The following DNAH12 variants were observed in gnomAD, a reference collection of about 807,000 sequenced individuals.
DNAH12 encodes dynein axonemal heavy chain 12.
A neutral mutation model predicts 371.5 loss-of-function variants in DNAH12; 285 were observed. That is an observed-to-expected ratio of 0.77 (90% confidence interval 0.70 to 0.85). The LOEUF (loss-of-function observed/expected upper bound fraction) is 0.85, where lower values mean the gene tolerates loss of function less well. Among genes scored for constraint, DNAH12 ranks in the 40% least tolerant of loss-of-function variants. DNAH12 has a pLI of 0.00. For missense variants in DNAH12, 3,611 were observed against 3,689.4 expected (o/e 0.98, Z 0.55); for synonymous variants, 1,200 against 1,213.0 (o/e 0.99, Z 0.22).
Position 57,480,688 on chromosome 3 carries a change from G to A in DNAH12, c.1650+2688C>T, listed in dbSNP as rs984510925. Among the ~76,000 whole-genome samples, 9 of 152,168 alleles carry A rather than the reference G, an allele frequency of 5.9e-5. No individual in the cohort carries two copies. The East Asian group carries it at 7.7e-4, about 13-fold the overall frequency. On this transcript the variant is annotated intron_variant, in intron 13 of 73. Transcript: ENST00000495027. Reference sequence around the variant, plus strand: ...ATCCTCACTAAAATACTGGCAAACTGAATCCAGCAGCACATCAAAAAGCTT... The same window carrying A: ...ATCCTCACTAAAATACTGGCAAACTAAATCCAGCAGCACATCAAAAAGCTT...
chr3:57,393,238 G>T (rs1352963811), intron 44 of DNAH12, among the ~76,000 whole-genome samples: 1 of 152,162 alleles, frequency 6.6e-6, no homozygotes, highest in East Asian at 1.9e-4. Context: ...TATGGCTGGA[G>T]GTTGGGAATT....
chr3:57,422,771 G>A (rs2064632516), intron 35 of DNAH12, among the ~76,000 whole-genome samples: 1 of 152,154 alleles, frequency 6.6e-6, no homozygotes, highest in Non-Finnish European at 1.5e-5. Context: ...AATATTCACT[G>A]CAGCACTATT....
At chr3:57,338,475 C>T (rs1185010153) in intron 60 of DNAH12, among the ~76,000 whole-genome samples, 21 of 150,518 alleles carry the variant, frequency 1.4e-4, no homozygotes, top group Non-Finnish European at 1.9e-4. Flanking sequence ...TTTGCCCGGC[C>T]GCCCCGTCTG....
chr3:57,489,767 C>G (rs2067054766), intron 11 of DNAH12, 80 bp from the exon 12 acceptor site: 1 of 1,289,228 alleles, frequency 7.8e-7, no homozygotes, highest in African/African-American at 1.6e-5. Context: ...TTATGAAAGT[C>G]CTAATTATAT....
intron 39 of DNAH12, among the ~76,000 whole-genome samples, chr3:57,412,995 T>C (rs1290875245): frequency 2.0e-5 from 3 of 152,218 alleles, no homozygotes; most frequent in African/African-American, 4.8e-5. Flanking sequence ...CAAATGTTTA[T>C]AGCAACTTTA....
At chr3:57,390,625 T>C (rs990297494) in intron 45 of DNAH12, among the ~76,000 whole-genome samples, 1,590 of 150,960 alleles carry the variant, frequency 0.011, 17 homozygotes, top group African/African-American at 0.037. Context: ...CCACATTCTA[T>C]TGGGCATAAA....
At chr3:57,415,789 CTTTTT>C (rs11326189) in intron 37 of DNAH12, among the ~76,000 whole-genome samples, 4 of 119,396 alleles carry the variant, frequency 3.4e-5, no homozygotes, top group Admixed American at 2.6e-4. Context: ...ATTTTTTATT[CTTTTT>C]TTTTTTTTTT....
At position 57,431,306 on chromosome 3, in the gene DNAH12, TA is replaced by T. The variant is rs1251546977; in HGVS notation, c.4981-1533del. Among the ~76,000 whole-genome samples the T allele has an allele frequency of 5.3e-5, 8 of 152,294 alleles. No homozygotes were observed. The East Asian group carries it at 1.5e-3, about 29-fold the overall frequency. On this transcript the variant is annotated intron_variant, in intron 32 of 73. Transcript: ENST00000495027. ...GACATGGCCTAATCTCACTCTCTAC[TA>T]TAACTCTGGCCTGATCCAGTGTTTA... is the stretch of plus-strand genomic sequence containing the variant.
In DNAH12 at chr3:57,428,703, T is replaced by C; in HGVS notation, c.5183A>G (p.Gln1728Arg). The C allele has an allele frequency of 1.3e-6, 2 of 1,551,376 alleles. No individual in the cohort carries two copies. The highest frequency in any genetic ancestry group is 1.7e-6 in the Non-Finnish European group (2 of 1,146,920). Residue 1728 changes from glutamine (Q) to arginine (R), a missense_variant, in exon 34 of 74, where the codon CAA becomes CGA. Gln to Arg is a conservative substitution (Grantham distance 43, BLOSUM62 1). Around this residue, in one of 3 missense-constraint regions of DNAH12, gnomAD observed 2,266 missense variants for 2,236.9 expected, o/e 1.01. Coordinates refer to ENST00000495027, the MANE Select transcript of DNAH12 (RefSeq NM_001366028.2). Reference sequence around the variant, plus strand: ...GGCAAAAAGTCCTCTCAGAAGAGCTTGATATTCTGGTTCACACAGAGGTCC... The same window carrying C: ...GGCAAAAAGTCCTCTCAGAAGAGCTCGATATTCTGGTTCACACAGAGGTCC... ...LKGPLCEPEY[Q>R]ALLRGLFAWL...
intron 62 of DNAH12, among the ~76,000 whole-genome samples, chr3:57,334,228 T>G (rs2062172024): frequency 6.6e-6 from 1 of 152,228 alleles, no homozygotes; most frequent in Non-Finnish European, 1.5e-5. Context: ...GGCAATCTAA[T>G]ATATGTGCAA....
rs1010384406 is a variant in DNAH12, at chr3:57,368,278, A to G, written c.8760-18T>C. 17 of 152,326 alleles carry G rather than the reference A, an allele frequency of 1.1e-4. No individual in the cohort carries two copies. Among genetic ancestry groups the G allele is most frequent in the Admixed American group, 9.8e-4 (15 of 15,304 alleles). The allele number at this position is 152,326 out of a possible 1,614,324, so 9.4% of individuals were successfully genotyped here. A position where few individuals can be genotyped will look rare whatever the true frequency, so the allele number is the denominator to read the frequency against. ...TTAAAGGCCTAGAATATAATAAGAA[A>G]AATTCTGAGAGGAAGACATAGACGT... On this transcript the variant is annotated intron_variant, in intron 55 of 73. Coordinates refer to ENST00000495027, the MANE Select transcript of DNAH12 (RefSeq NM_001366028.2).
intron 25 of DNAH12, among the ~76,000 whole-genome samples, chr3:57,448,573 C>T (rs1215031370): frequency 6.6e-6 from 1 of 152,184 alleles, no homozygotes; most frequent in Non-Finnish European, 1.5e-5. Context: ...TTGCAAAAAG[C>T]AAAAGAACAA....
At chr3:57,382,880 A>T (rs2063423847) in intron 49 of DNAH12, among the ~76,000 whole-genome samples, 1 of 152,196 alleles carries the variant, frequency 6.6e-6, no homozygotes, top group South Asian at 2.1e-4. Context: ...CCACTCCAAT[A>T]TATTTCTGAC....
intron 32 of DNAH12, 92 bp from the exon 33 acceptor site, chr3:57,429,866 G>A: frequency 9.7e-7 from 1 of 1,030,836 alleles, no homozygotes; most frequent in Non-Finnish European, 1.4e-6. Context: ...AGTAGCTCCT[G>A]TGATATAATG....
Position 57,405,686 on chromosome 3 carries a change from A to G in DNAH12, c.6543T>C (p.Ser2181=). Residue 2181 remains serine (S), a synonymous_variant, in exon 41 of 74, where the codon AGT becomes AGC. Transcript: ENST00000495027. ...IKDHFKESFH[S]IFSHLRKQNA... is the part of the protein sequence containing the mutation. Reference sequence around the variant, plus strand: ...TTTGTTTCCTCAAATGTGAAAAGATACTGTGAAATGATTCTTTAAAATGGT... The same window carrying G: ...TTTGTTTCCTCAAATGTGAAAAGATGCTGTGAAATGATTCTTTAAAATGGT... The G allele has an allele frequency of 1.3e-6, 2 of 1,551,636 alleles. No homozygotes were observed. The highest frequency in any genetic ancestry group is 1.7e-6 in the Non-Finnish European group (2 of 1,146,932).
chr3:57,392,139 G>A (rs2063637050), intron 44 of DNAH12, 73 bp from the exon 45 acceptor site: 1 of 144,474 alleles, frequency 6.9e-6, no homozygotes. Flanking sequence ...GTGGATATTA[G>A]AATATGAAGA....
intron 70 of DNAH12, 178 bp from the exon 71 acceptor site, chr3:57,297,162 C>T: frequency 1.7e-6 from 1 of 605,564 alleles, no homozygotes; most frequent in Non-Finnish European, 2.8e-6. Flanking sequence ...TCCCCTTCTA[C>T]TCTTCTTGGA....
intron 69 of DNAH12, among the ~76,000 whole-genome samples, chr3:57,302,567 A>ATTTTTTTTTTTTTTTTT (rs71088056): frequency 1.5e-4 from 4 of 27,484 alleles, no homozygotes; most frequent in East Asian, 7.0e-3. Flanking sequence ...ATATATATGT[A>ATTTTTTTTTTTTTTTTT]TTTTTTTTTT....
intron 43 of DNAH12, among the ~76,000 whole-genome samples, chr3:57,395,524 C>G (rs1290461979): frequency 2.0e-5 from 3 of 152,008 alleles, no homozygotes; most frequent in Non-Finnish European, 4.4e-5. Flanking sequence ...CCCATTAAAG[C>G]CATCTTCCAA....
Sources: allele counts gnomAD v4.1 joint callset (sites outside exome capture counted in the v4.1 genomes callset), GRCh38; gene constraint gnomAD v4.1.1; regional missense constraint gnomAD v4.1.1; transcripts MANE v1.5; gene names NCBI Gene and HGNC (gene_info 2026-07-23, HGNC 2026-07-21).